Variants in IRAK1BP1 observed in about 807,000 individuals in gnomAD.
The protein encoded by IRAK1BP1 is interleukin-1 receptor-associated kinase 1-binding protein 1.
In IRAK1BP1, 24 loss-of-function variants were observed where a neutral mutation model predicts 28.0. The observed-to-expected ratio is 0.86, with a 90% CI of 0.62 to 1.20. The LOEUF is 1.20. Among genes scored for constraint, IRAK1BP1 ranks in the 50% most tolerant of loss-of-function variants. The probability of loss-of-function intolerance (pLI) is 0.00; values close to 1 mark genes in which losing one functional copy is unlikely to be tolerated. For synonymous variants in IRAK1BP1, 131 were observed against 116.3 expected (o/e 1.13, Z -0.81); for missense variants, 336 against 316.7 (o/e 1.06, Z -0.46).
intron 4 of IRAK1BP1, among the ~76,000 whole-genome samples, chr6:78,931,500 A>G (rs1471766810): frequency 6.6e-6 from 1 of 152,172 alleles, no homozygotes; most frequent in African/African-American, 2.4e-5. Flanking sequence ...ACTTTAGTAC[A>G]GGTATACCGT....
the IRAK1BP1 span, among the ~76,000 whole-genome samples, chr6:78,951,566 T>G: frequency 6.6e-6 from 1 of 152,158 alleles, no homozygotes; most frequent in Non-Finnish European, 1.5e-5. Flanking sequence ...GTGACAGTAA[T>G]TAACAAAACA....
At chr6:78,871,378 A>G in intron 1 of IRAK1BP1, 2 of 985,388 alleles carry the variant, frequency 2.0e-6, no homozygotes, top group Non-Finnish European at 2.4e-6. Flanking sequence ...CAGTATGAGC[A>G]AGACTACTGT....
downstream of IRAK1BP1, among the ~76,000 whole-genome samples, chr6:78,950,977 A>G (rs1283540269): frequency 6.6e-6 from 1 of 152,110 alleles, no homozygotes; most frequent in African/African-American, 2.4e-5. Flanking sequence ...TCTTTAGTAC[A>G]TTTTAGTATT....
downstream of IRAK1BP1, among the ~76,000 whole-genome samples, chr6:78,949,811 CATT>C (rs1202441924): frequency 3.9e-5 from 6 of 152,214 alleles, no homozygotes; most frequent in East Asian, 1.2e-3. Flanking sequence ...ACCTCAGCCT[CATT>C]AGTAGCTTGA....
chr6:78,930,885 C>T (rs1287256525), intron 4 of IRAK1BP1, among the ~76,000 whole-genome samples: 1 of 151,804 alleles, frequency 6.6e-6, no homozygotes, highest in African/African-American at 2.4e-5. Context: ...GAGCCGAGAT[C>T]GCACCACTGC....
the IRAK1BP1 span, chr6:78,966,197 G>GT: frequency 1.7e-6 from 1 of 589,656 alleles, no homozygotes; most frequent in Non-Finnish European, 3.1e-6. Flanking sequence ...CCAAAAATAA[G>GT]TAAGTACAAT....
At chr6:78,959,055 G>A in the IRAK1BP1 span, among the ~76,000 whole-genome samples, 1 of 152,052 alleles carries the variant, frequency 6.6e-6, no homozygotes, top group Non-Finnish European at 1.5e-5. Flanking sequence ...GAAGTTAACT[G>A]ACAGCCACCT....
At chr6:78,942,127 A>T (rs187431614) in intron 4 of IRAK1BP1, among the ~76,000 whole-genome samples, 1 of 152,316 alleles carries the variant, frequency 6.6e-6, no homozygotes, top group African/African-American at 2.4e-5. Context: ...CTGCTTTTAA[A>T]GAGAATACAT....
At chr6:78,947,797 G>A, downstream of IRAK1BP1, 1 of 1,570,724 alleles carries the variant, frequency 6.4e-7, no homozygotes, top group Middle Eastern at 1.7e-4. Context: ...AAAACAGGTG[G>A]TGTTATGATT....
At chr6:78,979,325 AT>A in the IRAK1BP1 span, among the ~76,000 whole-genome samples, 6 of 152,106 alleles carry the variant, frequency 3.9e-5, no homozygotes, top group African/African-American at 1.4e-4. Flanking sequence ...GTAACAAGAT[AT>A]CCCCACAAAC....
chr6:78,976,321 T>C, the IRAK1BP1 span, among the ~76,000 whole-genome samples: 1 of 145,510 alleles, frequency 6.9e-6, no homozygotes, highest in East Asian at 2.0e-4. Context: ...TGGCTAGCCA[T>C]ATGTAGAAAG....
intron 1 of IRAK1BP1, among the ~76,000 whole-genome samples, chr6:78,870,909 C>A (rs540609748): frequency 6.6e-6 from 1 of 152,188 alleles, no homozygotes; most frequent in East Asian, 1.9e-4. Context: ...TGGGGTTTCA[C>A]TGTGTTGGCC....
intron 4 of IRAK1BP1, among the ~76,000 whole-genome samples, chr6:78,942,166 TG>T (rs992009828): frequency 6.6e-6 from 1 of 152,160 alleles, no homozygotes; most frequent in African/African-American, 2.4e-5. Flanking sequence ...GGTCACAGGT[TG>T]GAACTGTACT....
At chr6:78,940,844 C>T (rs1204484091) in intron 4 of IRAK1BP1, 1 of 1,613,956 alleles carries the variant, frequency 6.2e-7, no homozygotes, top group Non-Finnish European at 8.5e-7. Flanking sequence ...TGTCCTTCGA[C>T]CTTGATTTCT....
chr6:78,918,537 GGTT>G (rs1398329544), intron 4 of IRAK1BP1, among the ~76,000 whole-genome samples: 9 of 126,332 alleles, frequency 7.1e-5, no homozygotes, highest in East Asian at 2.5e-4. Context: ...CAGAGGTCAT[GGTT>G]GTTATATCAG....
intron 4 of IRAK1BP1, among the ~76,000 whole-genome samples, chr6:78,910,601 G>A (rs1024972512): frequency 1.3e-5 from 2 of 152,272 alleles, no homozygotes; most frequent in Admixed American, 6.5e-5. Context: ...ACAAGAAAAA[G>A]TGATATCAAG....
At chr6:78,975,164 G>C in the IRAK1BP1 span, among the ~76,000 whole-genome samples, 1 of 151,890 alleles carries the variant, frequency 6.6e-6, no homozygotes, top group Admixed American at 6.6e-5. Context: ...ACATCAAAAA[G>C]CTTATCCACC....
At chr6:78,972,526 C>G in the IRAK1BP1 span, among the ~76,000 whole-genome samples, 13 of 151,868 alleles carry the variant, frequency 8.6e-5, no homozygotes, top group Admixed American at 2.0e-4. Flanking sequence ...AAGCTGGACG[C>G]AGAATGACTT....
intron 2 of IRAK1BP1, among the ~76,000 whole-genome samples, chr6:78,897,412 C>T (rs952149341): frequency 2.0e-5 from 3 of 151,748 alleles, no homozygotes; most frequent in Non-Finnish European, 4.4e-5. Context: ...TAGATCTGAA[C>T]AGAACTATTG....
Sources: allele counts gnomAD v4.1 joint callset (sites outside exome capture counted in the v4.1 genomes callset), GRCh38; gene constraint gnomAD v4.1.1; transcripts MANE v1.5; gene names NCBI Gene and HGNC (gene_info 2026-07-23, HGNC 2026-07-21).